The following ADAMTSL1 variants were observed in gnomAD, a reference collection of about 807,000 sequenced individuals.
ADAMTSL1 encodes the protein ADAMTS-like protein 1.
A neutral mutation model predicts 201.8 loss-of-function variants in ADAMTSL1; 126 were observed. The ratio of observed to expected loss-of-function variants is 0.62; its 90% CI spans 0.54 to 0.72. The LOEUF (loss-of-function observed/expected upper bound fraction) is 0.72. Among genes scored for constraint, ADAMTSL1 ranks in the 30% least tolerant of loss-of-function variants. The pLI, the probability that ADAMTSL1 is intolerant of heterozygous loss-of-function variation, is 0.00. For synonymous variants in ADAMTSL1, 1,121 were observed against 903.4 expected (o/e 1.24, Z -4.32); for missense variants, 2,679 against 2,277.8 (o/e 1.18, Z -3.59).
intron 5 of ADAMTSL1, among the ~76,000 whole-genome samples, chr9:18,625,476 T>C (rs1826306590): frequency 6.6e-6 from 1 of 152,116 alleles, no homozygotes; most frequent in Non-Finnish European, 1.5e-5. Context: ...ATACAGACAA[T>C]GGAAATAGAG....
At chr9:18,474,099 G>GA, upstream of ADAMTSL1, 1 of 742,292 alleles carries the variant, frequency 1.3e-6, no homozygotes, top group Non-Finnish European at 2.2e-6. Flanking sequence ...CCTCGGTCAG[G>GA]AAATGTGAGA....
At chr9:17,927,254 GC>G (rs1414592052) in intron 1 of ADAMTSL1, among the ~76,000 whole-genome samples, 1 of 151,974 alleles carries the variant, frequency 6.6e-6, no homozygotes, top group Non-Finnish European at 1.5e-5. Flanking sequence ...CCTTTTTGGG[GC>G]TAAATAATAT....
At chr9:18,178,210 T>C (rs1828268698) in intron 2 of ADAMTSL1, among the ~76,000 whole-genome samples, 1 of 152,288 alleles carries the variant, frequency 6.6e-6, no homozygotes, top group Admixed American at 6.5e-5. Context: ...ATTGCCTCAC[T>C]TGGGAAGCAC....
At chr9:17,920,255 C>A (rs1358150061) in intron 1 of ADAMTSL1, among the ~76,000 whole-genome samples, 1 of 152,120 alleles carries the variant, frequency 6.6e-6, no homozygotes, top group Admixed American at 6.6e-5. Flanking sequence ...AGAGTCAGTT[C>A]CTTTGCCCTG....
intron 2 of ADAMTSL1, among the ~76,000 whole-genome samples, chr9:18,402,833 G>C (rs1261248025): frequency 6.6e-6 from 1 of 152,174 alleles, no homozygotes; most frequent in Admixed American, 6.5e-5. Context: ...CCTGTATCAT[G>C]ACTGCTATTG....
chr9:18,166,806 C>G (rs1046300678), intron 2 of ADAMTSL1, among the ~76,000 whole-genome samples: 1 of 151,978 alleles, frequency 6.6e-6, no homozygotes, highest in Non-Finnish European at 1.5e-5. Flanking sequence ...CCAGAACAGC[C>G]TGCCTTATTT....
At chr9:18,686,980 A>G (rs961580970) in intron 13 of ADAMTSL1, among the ~76,000 whole-genome samples, 5 of 152,254 alleles carry the variant, frequency 3.3e-5, no homozygotes, top group Non-Finnish European at 5.9e-5. Context: ...ATATTAAACT[A>G]TTAAAATTTA....
intron 1 of ADAMTSL1, among the ~76,000 whole-genome samples, chr9:18,497,124 G>A (rs7031573): frequency 0.043 from 6,593 of 152,226 alleles, 373 homozygotes; most frequent in African/African-American, 0.12. Flanking sequence ...ACAAAAAACA[G>A]CAACAGCAAC....
At chr9:18,772,915 A>G (rs1820774859) in intron 17 of ADAMTSL1, among the ~76,000 whole-genome samples, 1 of 152,194 alleles carries the variant, frequency 6.6e-6, no homozygotes, top group Admixed American at 6.5e-5. Flanking sequence ...TATCTGGGTT[A>G]ATGAATGGAG....
Position 17,944,385 on chromosome 9 carries a change from C to T in ADAMTSL1, c.87+37463C>T, listed in dbSNP as rs561313957. On this transcript the variant is annotated intron_variant, in intron 1 of 29. Transcript: ENST00000680146. ...AATCAATATCATGAAAATGGCCATA[C>T]TGCCCAAGGTAATTTATAGATTCAA... is the stretch of plus-strand genomic sequence containing the variant. 5.3e-5 allele frequency among the ~76,000 whole-genome samples: 8 copies of T among 152,092 alleles called. No homozygotes were observed. The South Asian group carries it at 1.5e-3, about 28-fold the overall frequency.
intron 2 of ADAMTSL1, among the ~76,000 whole-genome samples, chr9:18,179,471 A>T (rs1319790779): frequency 6.6e-6 from 1 of 152,186 alleles, no homozygotes; most frequent in Non-Finnish European, 1.5e-5. Flanking sequence ...TATCCAGGAG[A>T]ACTTCCCCAA....
At chr9:18,803,939 A>G (rs1177657604) in intron 20 of ADAMTSL1, among the ~76,000 whole-genome samples, 3 of 152,180 alleles carry the variant, frequency 2.0e-5, no homozygotes, top group East Asian at 1.9e-4. Flanking sequence ...AAGGGGAACA[A>G]TTATTTTTTA....
chr9:18,587,445 G>C, intron 4 of ADAMTSL1, among the ~76,000 whole-genome samples: 1 of 152,022 alleles, frequency 6.6e-6, no homozygotes, highest in South Asian at 2.1e-4. Flanking sequence ...CAGAGTTACT[G>C]GGGTATCTAT....
At chr9:18,750,257 C>T (rs571853149) in intron 15 of ADAMTSL1, among the ~76,000 whole-genome samples, 11 of 152,164 alleles carry the variant, frequency 7.2e-5, no homozygotes, top group African/African-American at 2.4e-4. Context: ...TAGCAAACAC[C>T]CCAGAAGCCC....
chr9:18,804,760 T>G (rs1420249008), intron 20 of ADAMTSL1, among the ~76,000 whole-genome samples: 1 of 152,164 alleles, frequency 6.6e-6, no homozygotes, highest in Non-Finnish European at 1.5e-5. Flanking sequence ...CAGAGAAAAT[T>G]TGAAGATTTA....
intron 1 of ADAMTSL1, among the ~76,000 whole-genome samples, chr9:17,999,012 C>G (rs907002370): frequency 3.9e-5 from 6 of 151,994 alleles, no homozygotes; most frequent in Admixed American, 2.0e-4. Context: ...ATCTGAAAAG[C>G]CCTCTCTTTG....
chr9:17,960,933 C>T, intron 1 of ADAMTSL1, among the ~76,000 whole-genome samples: 1 of 152,216 alleles, frequency 6.6e-6, no homozygotes, highest in African/African-American at 2.4e-5. Context: ...TAATGTGATT[C>T]TGGTTCAGTT....
At chr9:18,683,241 T>C (rs1830621617) in intron 12 of ADAMTSL1, among the ~76,000 whole-genome samples, 1 of 151,448 alleles carries the variant, frequency 6.6e-6, no homozygotes, top group African/African-American at 2.4e-5. Flanking sequence ...TTTTTTTTTT[T>C]TGAGACGGAG....
At chr9:17,963,574 C>T (rs779330325) in intron 1 of ADAMTSL1, among the ~76,000 whole-genome samples, 1 of 152,166 alleles carries the variant, frequency 6.6e-6, no homozygotes, top group Non-Finnish European at 1.5e-5. Flanking sequence ...GTTTTAGACT[C>T]TGACATCTGC....
Sources: gnomAD v4.1 joint callset for allele counts (sites outside exome capture counted in the v4.1 genomes callset) on GRCh38, gnomAD v4.1.1 for gene constraint, MANE v1.5 for transcripts, NCBI Gene and HGNC (gene_info 2026-07-23, HGNC 2026-07-21) for gene names.